Variants in ARPIN observed in about 807,000 individuals in gnomAD.
ARPIN encodes the protein actin related protein 2/3 complex inhibitor, also known as UPF0552 protein C15orf38.
Under a neutral mutation model 25.9 loss-of-function variants are expected in ARPIN, and 23 were observed. That is an observed-to-expected ratio of 0.89 (90% CI 0.64 to 1.26). The LOEUF is 1.26. ARPIN is among the 50% of genes most tolerant of loss of function. ARPIN has a pLI of 0.00. For synonymous variants in ARPIN, 126 were observed against 131.4 expected (o/e 0.96, Z 0.28); for missense variants, 333 against 312.2 (o/e 1.07, Z -0.50).
Position 89,912,862 on chromosome 15 carries a change from A to C in ARPIN, c.-27T>G. The C allele has an allele frequency of 1.3e-6, 2 of 1,512,050 alleles. No homozygotes were observed. Among genetic ancestry groups the C allele is most frequent in the Non-Finnish European group, 1.8e-6 (2 of 1,134,328 alleles). The allele number at this position is 1,512,050 out of a possible 1,614,324, so 93.7% of individuals were successfully genotyped here. On this transcript the variant is annotated 5_prime_UTR_variant, in exon 1 of 6. Coordinates refer to ENST00000357484, the MANE Select transcript of ARPIN (RefSeq NM_182616.4). ...CTCCCGACCGCCCGGGCACCCCGGC[A>C]CAGAGCCGGCGCACTGGGCTGGGGG...
chr15:89,898,372 A>G lies in ARPIN; in HGVS notation c.*3423T>C, dbSNP rs1171079022. ...GAACAGCCAGCCCCTCCATGGGACC[A>G]ACACAGCCCTTCCCAAACTGTTTCT... On this transcript the variant is annotated 3_prime_UTR_variant, in exon 6 of 6. Coordinates refer to ENST00000357484, the MANE Select transcript of ARPIN (RefSeq NM_182616.4). 1 of 152,184 alleles carries G rather than the reference A, an allele frequency of 6.6e-6. No individual in the cohort carries two copies. Among genetic ancestry groups the G allele is most frequent in the African/African-American group, 2.4e-5 (1 of 41,440 alleles). 9.4% of individuals were successfully genotyped at this position (152,184 alleles called of 1,614,324 possible).
At chr15:89,912,663 T>TTGGCCCCCCC in intron 1 of ARPIN, 81 bp downstream of exon 1, 1 of 871,104 alleles carries the variant, frequency 1.1e-6, no homozygotes, top group Non-Finnish European at 1.4e-6. Flanking sequence ...CCCACCCGCA[T>TTGGCCCCCCC]CCCACCCCCC....
chr15:89,906,603 C>A (rs866807383), intron 3 of ARPIN, among the ~76,000 whole-genome samples: 4 of 152,250 alleles, frequency 2.6e-5, no homozygotes, highest in Admixed American at 6.5e-5. Context: ...CTTGTTCATC[C>A]CTGGACCTCT....
rs371675964 is a variant in ARPIN at position 89,906,199 on chromosome 15, C to T, written c.301+2081G>A. ...CTTTTTCACAGGCATCGCTGGGCTC[C>T]AGGCTATTTGCCTCCCTGGAGATTT... On this transcript the variant is annotated intron_variant, in intron 3 of 5. Coordinates refer to ENST00000357484, the MANE Select transcript of ARPIN (RefSeq NM_182616.4). Among the ~76,000 whole-genome samples the T allele has an allele frequency of 2.6e-5, 4 of 152,310 alleles. No individual in the cohort carries two copies. The South Asian group carries it at 6.2e-4, about 24-fold the overall frequency.
Position 89,908,284 on chromosome 15 carries a change from G to C in ARPIN, c.297C>G (p.Ser99=). The change falls in exon 3 of 6, where the codon TCC becomes TCG. Residue 99 remains serine (S), a synonymous_variant. Transcript: ENST00000357484. The part of the protein sequence containing the change: ...RKVNTGFLMS[S]YKVEAKGDTD... ...GGGAGGGCAGAGGATACCTACTGTA[G>C]GACGACATGAGGAAGCCCGTGTTCA... The C allele has an allele frequency of 6.2e-7, 1 of 1,614,146 alleles. No homozygotes were observed. Among genetic ancestry groups the C allele is most frequent in the South Asian group, 1.1e-5 (1 of 91,080 alleles).
At chr15:89,902,128 G>A (rs894778834) in intron 5 of ARPIN, among the ~76,000 whole-genome samples, 8 of 152,238 alleles carry the variant, frequency 5.3e-5, no homozygotes, top group African/African-American at 1.9e-4. Flanking sequence ...TCATTTTGAG[G>A]CCAGGTGTGG....
rs530187767 is a variant in ARPIN, at chr15:89,900,818, T to C, written c.*977A>G. 5.3e-5 allele frequency: 8 copies of C among 152,340 alleles called. No homozygotes were observed. The highest frequency in any genetic ancestry group is 1.7e-4 in the African/African-American group (7 of 41,574). 9.4% of individuals were successfully genotyped at this position (152,340 alleles called of 1,614,324 possible). ...AAATGGCTTCCTTCTCATAGGAACA[T>C]TGCTCAGCTGAAAGGCCGTTTACAC... On this transcript the variant is annotated 3_prime_UTR_variant, in exon 6 of 6. Coordinates refer to ENST00000357484, the MANE Select transcript of ARPIN (RefSeq NM_182616.4).
At chr15:89,907,330 AG>A (rs1484783698) in intron 3 of ARPIN, among the ~76,000 whole-genome samples, 1 of 152,080 alleles carries the variant, frequency 6.6e-6, no homozygotes, top group Non-Finnish European at 1.5e-5. Context: ...GGCCTCCCAA[AG>A]TGCTGGGATT....
intron 2 of ARPIN, among the ~76,000 whole-genome samples, chr15:89,908,810 T>C (rs1897173561): frequency 6.6e-6 from 1 of 152,148 alleles, no homozygotes; most frequent in South Asian, 2.1e-4. Context: ...GGTGAAACCC[T>C]GTCTCCATCA....
In ARPIN at chr15:89,900,547, G is replaced by C. The variant is rs3853641; in HGVS notation, c.*1248C>G. ...ATCAGTACCTCATGGACTGTTGTGA[G>C]AAGTACGATATCGCAAGTGCTTAGC... is the stretch of plus-strand genomic sequence containing the variant. On this transcript the variant is annotated 3_prime_UTR_variant, in exon 6 of 6. Coordinates refer to ENST00000357484, the MANE Select transcript of ARPIN (RefSeq NM_182616.4). 41,963 of 152,148 alleles carry C rather than the reference G, an allele frequency of 0.28. 6,035 individuals are homozygous for C. The highest frequency in any genetic ancestry group is 0.34 in the South Asian group (1,634 of 4,824). The allele number at this position is 152,148 out of a possible 1,614,324, so 9.4% of individuals were successfully genotyped here. A position where few individuals can be genotyped will look rare whatever the true frequency, so the allele number is the denominator to read the frequency against.
chr15:89,912,190 C>T, intron 1 of ARPIN: 1 of 985,396 alleles, frequency 1.0e-6, no homozygotes, highest in Non-Finnish European at 1.2e-6. Flanking sequence ...ATTTGTCTTT[C>T]TGTATCTGGC....
rs1029222758 is a variant in ARPIN, at chr15:89,896,589, A to G, written c.*5206T>C. 9.2e-5 allele frequency: 14 copies of G among 152,202 alleles called. No homozygotes were observed. Among genetic ancestry groups the G allele is most frequent in the Non-Finnish European group, 2.1e-4 (14 of 68,042 alleles). The allele number at this position is 152,202 out of a possible 1,614,324, so 9.4% of individuals were successfully genotyped here. ...AATAAAAATCACAAAACATCAACAG[A>G]TATATAAAGTTTTTTTATAAAAAGA... On this transcript the variant is annotated 3_prime_UTR_variant, in exon 6 of 6. Coordinates refer to ENST00000357484, the MANE Select transcript of ARPIN (RefSeq NM_182616.4).
At chr15:89,908,554 C>T in intron 2 of ARPIN, 142 bp from the exon 3 acceptor site, 2 of 1,376,632 alleles carry the variant, frequency 1.5e-6, no homozygotes, top group Non-Finnish European at 2.0e-6. Context: ...TAGGCAGATG[C>T]TCCCTCTGCC....
Position 89,895,608 on chromosome 15 carries a change from C to A in ARPIN, c.*6187G>T, listed in dbSNP as rs564282990. 7.5e-6 allele frequency: 1 copy of A among 133,300 alleles called. No homozygotes were observed. Among genetic ancestry groups the A allele is most frequent in the East Asian group, 2.4e-4 (1 of 4,118 alleles). The allele number at this position is 133,300 out of a possible 1,614,324, so 8.3% of individuals were successfully genotyped here. A position where few individuals can be genotyped will look rare whatever the true frequency, so the allele number is the denominator to read the frequency against. ...AGTATAATATTTGTAAGCACTTGGA[C>A]AGTGCATGGCACATAACTGAGTACC... is the stretch of plus-strand genomic sequence containing the variant. On this transcript the variant is annotated 3_prime_UTR_variant, in exon 6 of 6. Coordinates refer to ENST00000357484, the MANE Select transcript of ARPIN (RefSeq NM_182616.4).
chr15:89,908,567 C>T (rs1456126464), intron 2 of ARPIN, among the ~76,000 whole-genome samples, 155 bp from the exon 3 acceptor site: 1 of 152,100 alleles, frequency 6.6e-6, no homozygotes, highest in Non-Finnish European at 1.5e-5. Flanking sequence ...CCTCTGCCCC[C>T]AAATACTTAT....
At chr15:89,912,456 C>CG in intron 1 of ARPIN, 1 of 1,230,740 alleles carries the variant, frequency 8.1e-7, no homozygotes. Flanking sequence ...CGGAGGTCGG[C>CG]GTGAGGCGAA....
At chr15:89,903,409 C>CT in intron 4 of ARPIN, 30 bp from the exon 5 acceptor site, 1 of 1,613,438 alleles carries the variant, frequency 6.2e-7, no homozygotes, top group East Asian at 2.2e-5. Flanking sequence ...TGAATGTCCT[C>CT]TGTCCCTGTG....
intron 3 of ARPIN, among the ~76,000 whole-genome samples, chr15:89,907,367 C>T (rs1319953143): frequency 6.6e-6 from 1 of 152,060 alleles, no homozygotes; most frequent in Non-Finnish European, 1.5e-5. Flanking sequence ...CACACTCACC[C>T]TAAAATTTTT....
In ARPIN at chr15:89,912,730, G is replaced by T; in HGVS notation, c.92+14C>A. The T allele has an allele frequency of 7.8e-7, 1 of 1,279,144 alleles. No homozygotes were observed. Among genetic ancestry groups the T allele is most frequent in the Non-Finnish European group, 1.0e-6 (1 of 1,001,880 alleles). 79.2% of individuals were successfully genotyped at this position (1,279,144 alleles called of 1,614,324 possible). ...GCAGGGGAGGCCGACCCGAGGCCGT[G>T]AGCCCAGGCCTACCCCTGGTGGGCG... On this transcript the variant is annotated intron_variant, in intron 1 of 5. Transcript: ENST00000357484.
Sources: allele counts gnomAD v4.1 joint callset (sites outside exome capture counted in the v4.1 genomes callset), GRCh38; gene constraint gnomAD v4.1.1; transcripts MANE v1.5; gene names NCBI Gene and HGNC (gene_info 2026-07-23, HGNC 2026-07-21).